The following DDX59 variants were observed in gnomAD, a reference collection of about 807,000 sequenced individuals.
DDX59 encodes the protein DEAD-box helicase 59, also known as probable ATP-dependent RNA helicase DDX59.
A neutral mutation model predicts 51.9 loss-of-function variants in DDX59; 30 were observed. The observed-to-expected ratio is 0.58, with a 90% CI of 0.43 to 0.78. The LOEUF is 0.78. Ranked by LOEUF, DDX59 falls within the 30% of genes least tolerant of loss-of-function variation. DDX59 has a pLI of 0.00. For missense variants in DDX59, 672 were observed against 730.8 expected (o/e 0.92, Z 0.93); for synonymous variants, 255 against 253.3 (o/e 1.01, Z -0.06).
At chr1:200,661,718 G>C (rs1489864555) in intron 3 of DDX59, among the ~76,000 whole-genome samples, 1 of 152,178 alleles carries the variant, frequency 6.6e-6, no homozygotes, top group East Asian at 1.9e-4. Flanking sequence ...AAAAGTGATG[G>C]AACAATTATA....
chr1:200,666,239 A>G lies in DDX59; in HGVS notation c.502T>C (p.Tyr168His). The G allele has an allele frequency of 6.2e-7, 1 of 1,614,250 alleles. No individual in the cohort carries two copies. ...TTCAAAATAAAGGGGTGCTCTTTGT[A>G]GACATAGGAAGCATTCAGTGGAGAC... Reference protein sequence around the residue: ...PESPLNASYVYKEHPFILNLQ... With the variant: ...PESPLNASYVHKEHPFILNLQ... The change falls in exon 2 of 8, where the codon TAC (tyrosine) becomes CAC (histidine). Residue 168 changes from tyrosine to histidine, a missense_variant. By Grantham distance (83) the Tyr-to-His change is moderately conservative. Coordinates refer to ENST00000331314, the MANE Select transcript of DDX59 (RefSeq NM_001031725.6).
chr1:200,656,880 C>T lies in DDX59; in HGVS notation c.1062+2147G>A, dbSNP rs988301625. ...ACCAGCCTGGGCAACATAGCAAGAC[C>T]CCGTCTCTAAACAAATTTTAAAAAC... On this transcript the variant is annotated intron_variant, in intron 4 of 7. Transcript: ENST00000331314. 4.5e-4 allele frequency among the ~76,000 whole-genome samples: 68 copies of T among 151,722 alleles called. 1 individual carries two copies. The highest frequency in any genetic ancestry group is 1.5e-3 in the African/African-American group (64 of 41,374).
At chr1:200,643,068 A>G (rs1661094841), downstream of DDX59, among the ~76,000 whole-genome samples, 1 of 152,202 alleles carries the variant, frequency 6.6e-6, no homozygotes, top group Admixed American at 6.5e-5. Context: ...TTAAAATAAT[A>G]GTTTCCTTTC....
At chr1:200,655,740 A>C (rs1661977444) in intron 4 of DDX59, among the ~76,000 whole-genome samples, 1 of 152,128 alleles carries the variant, frequency 6.6e-6, no homozygotes, top group South Asian at 2.1e-4. Context: ...CATTACCTCT[A>C]AGAAGCCATT....
At chr1:200,651,725 C>T (rs1209981152) in intron 4 of DDX59, among the ~76,000 whole-genome samples, 1 of 152,128 alleles carries the variant, frequency 6.6e-6, no homozygotes, top group East Asian at 1.9e-4. Context: ...GTTAGTGCTG[C>T]CAGCCGGGCA....
Position 200,659,103 on chromosome 1 carries a change from G to A in DDX59, c.986C>T (p.Thr329Ile). 6.2e-7 allele frequency: 1 copy of A among 1,612,998 alleles called. No homozygotes were observed. The highest frequency in any genetic ancestry group is 8.5e-7 in the Non-Finnish European group (1 of 1,179,536). ...LQQHVKVIIA[T>I]PGRLLDIIKQ... ...TATTATATCCAGAAGTCGCCCAGGG[G>A]TTGCTATGATAACCTAAATAAAAGA... The change falls in exon 4 of 8, where the codon ACC becomes ATC. Residue 329 changes from threonine (T) to isoleucine (I), a missense_variant. Thr to Ile is a moderately conservative substitution (Grantham distance 89). Transcript: ENST00000331314.
At chr1:200,659,243 TA>T in intron 3 of DDX59, 127 bp from the exon 4 acceptor site, 1 of 665,960 alleles carries the variant, frequency 1.5e-6, no homozygotes, top group East Asian at 2.7e-5. Context: ...CAGTGATGAA[TA>T]AGCCAGACAT....
chr1:200,650,691 TATTAAA>T lies in DDX59; in HGVS notation c.1063-21_1063-16del. ...ATGGTATCAGCCTAAAATAAAATTG[TATTAAA>T]GTTAGTCTTGTTTGACATTAAAACC... On this transcript the variant is annotated splice_polypyrimidine_tract_variant and intron_variant, in intron 4 of 7. Transcript: ENST00000331314. The T allele has an allele frequency of 6.3e-7, 1 of 1,579,686 alleles. No individual in the cohort carries two copies. The highest frequency in any genetic ancestry group is 8.6e-7 in the Non-Finnish European group (1 of 1,158,748).
chr1:200,668,813 A>C (rs1341570085), intron 1 of DDX59, among the ~76,000 whole-genome samples: 1 of 152,138 alleles, frequency 6.6e-6, no homozygotes, highest in East Asian at 1.9e-4. Context: ...GCACAATAAA[A>C]CTTGGTCTCC....
At chr1:200,654,193 C>T (rs1661856468) in intron 4 of DDX59, among the ~76,000 whole-genome samples, 1 of 152,056 alleles carries the variant, frequency 6.6e-6, no homozygotes, top group South Asian at 2.1e-4. Context: ...GCGGGCGGAT[C>T]ACGAGGTCAG....
chr1:200,641,154 G>A (rs538652077), downstream of DDX59: 2 of 1,301,736 alleles, frequency 1.5e-6, no homozygotes, highest in African/African-American at 1.5e-5. Flanking sequence ...TCTGTTTATG[G>A]AGTAAACTTC....
chr1:200,658,570 C>A (rs936703273), intron 4 of DDX59, among the ~76,000 whole-genome samples: 7 of 152,040 alleles, frequency 4.6e-5, no homozygotes, highest in African/African-American at 1.7e-4. Context: ...GATGTGTGTG[C>A]CTGTAGTCCC....
At chr1:200,657,475 T>G (rs995859965) in intron 4 of DDX59, among the ~76,000 whole-genome samples, 5 of 151,526 alleles carry the variant, frequency 3.3e-5, no homozygotes, top group African/African-American at 1.2e-4. Context: ...TTTGGGCGGG[T>G]GCAGTGGCTC....
At chr1:200,668,232 C>T (rs1480001328) in intron 1 of DDX59, among the ~76,000 whole-genome samples, 1 of 151,712 alleles carries the variant, frequency 6.6e-6, no homozygotes, top group East Asian at 1.9e-4. Context: ...GGCGTGAACC[C>T]GGGAAGCGGA....
At chr1:200,664,169 G>A in intron 2 of DDX59, 83 bp from the exon 3 acceptor site, 1 of 1,460,402 alleles carries the variant, frequency 6.8e-7, no homozygotes, top group Non-Finnish European at 9.2e-7. Flanking sequence ...AGGATTCCAG[G>A]AACATGGCCC....
At chr1:200,663,412 C>T (rs1167994331) in intron 3 of DDX59, among the ~76,000 whole-genome samples, 1 of 152,190 alleles carries the variant, frequency 6.6e-6, no homozygotes, top group East Asian at 1.9e-4. Flanking sequence ...TATCTATGGC[C>T]ATACAGCTAC....
In DDX59 at chr1:200,666,035, C is replaced by T; in HGVS notation, c.706G>A (p.Val236Met). The change falls in exon 2 of 8, where the codon GTG becomes ATG. Residue 236 changes from valine (V) to methionine (M), a missense_variant. Coordinates refer to ENST00000331314, the MANE Select transcript of DDX59 (RefSeq NM_001031725.6). ...PTPIQMQMIPVGLLGRDILAS... is the reference protein window; with the variant it reads ...PTPIQMQMIPMGLLGRDILAS... ...AGAATGTCTCTTCCCAGAAGTCCCA[C>T]AGGAATCATCTGCATTTGAATGGGA... The T allele has an allele frequency of 6.2e-7, 1 of 1,614,220 alleles. No homozygotes were observed. Among genetic ancestry groups the T allele is most frequent in the Non-Finnish European group, 8.5e-7 (1 of 1,180,040 alleles).
chr1:200,642,954 G>A (rs1287938891), downstream of DDX59, among the ~76,000 whole-genome samples: 1 of 152,204 alleles, frequency 6.6e-6, no homozygotes, highest in African/African-American at 2.4e-5. Context: ...ATGTACAGTG[G>A]TGGGAAGAAG....
At chr1:200,649,792 G>A (rs926449643) in intron 5 of DDX59, among the ~76,000 whole-genome samples, 1 of 151,504 alleles carries the variant, frequency 6.6e-6, no homozygotes, top group African/African-American at 2.4e-5. Context: ...TGCGATTAAT[G>A]TAGCTCTACA....
Sources: gnomAD v4.1 joint callset for allele counts (sites outside exome capture counted in the v4.1 genomes callset) on GRCh38, gnomAD v4.1.1 for gene constraint, MANE v1.5 for transcripts, NCBI Gene and HGNC (gene_info 2026-07-23, HGNC 2026-07-21) for gene names.